Variants in GC observed in about 807,000 individuals in gnomAD.
GC encodes GC vitamin D binding protein, also known as vitamin D-binding protein.
A neutral mutation model predicts 56.7 loss-of-function variants in GC; 43 were observed. The observed-to-expected ratio is 0.76, with a 90% CI of 0.59 to 0.98. The LOEUF is 0.98. GC is among the 50% of genes least tolerant of loss of function. The pLI is 0.00. For synonymous variants in GC, 216 were observed against 202.7 expected, an observed-to-expected ratio of 1.07 and a Z score of -0.56; for missense variants, 529 against 545.9, an observed-to-expected ratio of 0.97 and a Z score of 0.31.
At chr4:71,761,184 G>A (rs541906311) in intron 6 of GC, among the ~76,000 whole-genome samples, 14 of 152,304 alleles carry the variant, frequency 9.2e-5, no homozygotes, top group Middle Eastern at 3.4e-3. Context: ...TAAGGTCCAG[G>A]CTAAGGTGGT....
chr4:71,786,950 G>A (rs1478045543), upstream of GC, among the ~76,000 whole-genome samples: 5 of 151,782 alleles, frequency 3.3e-5, no homozygotes, highest in Admixed American at 1.3e-4. Context: ...TTAGTGGATC[G>A]AAGTAATATC....
intron 10 of GC, among the ~76,000 whole-genome samples, chr4:71,753,757 T>C (rs1018548477): frequency 6.6e-6 from 1 of 152,364 alleles, no homozygotes; most frequent in South Asian, 2.1e-4. Flanking sequence ...TGGTGATAGC[T>C]GACAGTATGC....
At chr4:71,744,414 G>T (rs1205052215) in intron 12 of GC, among the ~76,000 whole-genome samples, 2 of 138,154 alleles carry the variant, frequency 1.4e-5, no homozygotes, top group Admixed American at 1.6e-4. Context: ...AGCCGAGATC[G>T]CGCCACTGCA....
intron 12 of GC, among the ~76,000 whole-genome samples, chr4:71,744,714 A>C (rs1185808556): frequency 6.6e-6 from 1 of 152,150 alleles, no homozygotes; most frequent in Non-Finnish European, 1.5e-5. Context: ...CTCTTAATTA[A>C]AGCTTAAGAA....
chr4:71,786,722 C>A (rs1742848179), upstream of GC, among the ~76,000 whole-genome samples: 2 of 151,766 alleles, frequency 1.3e-5, no homozygotes, highest in South Asian at 4.1e-4. Flanking sequence ...TTTCAGTAAA[C>A]CTTAGTTACT....
intron 3 of GC, among the ~76,000 whole-genome samples, chr4:71,766,458 A>G (rs936529324): frequency 6.6e-6 from 1 of 152,168 alleles, no homozygotes; most frequent in African/African-American, 2.4e-5. Flanking sequence ...GAAAAATTTC[A>G]TATTTGAAAT....
chr4:71,769,383 T>C lies in GC; in HGVS notation c.76A>G (p.Asn26Asp), dbSNP rs1477260931. The C allele has an allele frequency of 6.2e-7, 1 of 1,612,742 alleles. No homozygotes were observed. The highest frequency in any genetic ancestry group is 2.2e-5 in the East Asian group (1 of 44,862). Residue 26 changes from asparagine (N) to aspartate (D), a missense_variant, in exon 2 of 13, where the codon AAT becomes GAT. Physicochemically the swap from Asn to Asp is conservative, Grantham distance 23 (BLOSUM62 1). Transcript: ENST00000273951. ...ALERGRDYEK[N>D]KVCKEFSHLG... ...TGGGAGAATTCCTTGCAGACTTTAT[T>C]CTTTTCATAATCCCGGCCTAGGAGG... is the stretch of plus-strand genomic sequence containing the variant.
chr4:71,805,027 A>G (rs1047630772), upstream of GC, among the ~76,000 whole-genome samples: 3 of 152,088 alleles, frequency 2.0e-5, no homozygotes, highest in East Asian at 1.9e-4. Context: ...CATAATGTTA[A>G]AGATGTTACT....
At chr4:71,769,088 T>A (rs1359886879) in intron 2 of GC, among the ~76,000 whole-genome samples, 1 of 152,192 alleles carries the variant, frequency 6.6e-6, no homozygotes, top group African/African-American at 2.4e-5. Context: ...TTACGTATTA[T>A]CTTTGAACTC....
chr4:71,765,097 A>G (rs981940400), intron 4 of GC, among the ~76,000 whole-genome samples: 2 of 152,226 alleles, frequency 1.3e-5, no homozygotes, highest in South Asian at 2.1e-4. Flanking sequence ...TGCTTCTATC[A>G]TATGACATAC....
chr4:71,783,857 C>T (rs1742762683), intron 1 of GC, 104 bp downstream of exon 1: 2 of 773,490 alleles, frequency 2.6e-6, no homozygotes, highest in Non-Finnish European at 3.9e-6. Flanking sequence ...CCAACATATT[C>T]ACCAGTTCTT....
chr4:71,745,223 CAGAT>C (rs1329097220), intron 12 of GC, among the ~76,000 whole-genome samples: 1 of 152,148 alleles, frequency 6.6e-6, no homozygotes, highest in African/African-American at 2.4e-5. Flanking sequence ...AATTCACAGA[CAGAT>C]AGTTAGAGTG....
chr4:71,789,534 G>T (rs1742921988), intron 1 of GC, among the ~76,000 whole-genome samples: 1 of 151,980 alleles, frequency 6.6e-6, no homozygotes, highest in East Asian at 1.9e-4. Context: ...AATATTAGAT[G>T]ATCTAATAGA....
upstream of GC, chr4:71,804,167 C>A (rs1743310639): frequency 6.9e-6 from 4 of 575,852 alleles, no homozygotes; most frequent in Admixed American, 1.2e-4. Context: ...TAGTCAGACA[C>A]AGGTATGCAG....
At chr4:71,786,461 G>T (rs111921045), upstream of GC, among the ~76,000 whole-genome samples, 26 of 151,860 alleles carry the variant, frequency 1.7e-4, 2 homozygotes, top group African/African-American at 6.3e-4. Flanking sequence ...ATAGCAACTA[G>T]AAATGTATCA....
chr4:71,768,657 G>C (rs1258731300), intron 2 of GC, among the ~76,000 whole-genome samples: 2 of 152,054 alleles, frequency 1.3e-5, no homozygotes, highest in African/African-American at 2.4e-5. Flanking sequence ...GTAGAGACAG[G>C]GTTTCACCAT....
chr4:71,791,893 C>A (rs916588586), intron 1 of GC, among the ~76,000 whole-genome samples: 1 of 152,100 alleles, frequency 6.6e-6, no homozygotes, highest in African/African-American at 2.4e-5. Context: ...TCAATTCCCA[C>A]CTATGAATGA....
chr4:71,802,619 A>G (rs973558985), intron 1 of GC, among the ~76,000 whole-genome samples: 1 of 152,246 alleles, frequency 6.6e-6, no homozygotes, highest in African/African-American at 2.4e-5. Flanking sequence ...AAAGTCATTA[A>G]GTTGAACCAC....
chr4:71,747,373 A>C (rs1319114547), intron 11 of GC, among the ~76,000 whole-genome samples: 2 of 152,164 alleles, frequency 1.3e-5, no homozygotes, highest in Non-Finnish European at 2.9e-5. Context: ...ATGAAGAACA[A>C]GGAAAAAACT....
Sources: allele counts gnomAD v4.1 joint callset (sites outside exome capture counted in the v4.1 genomes callset), GRCh38; gene constraint gnomAD v4.1.1; transcripts MANE v1.5; gene names NCBI Gene and HGNC (gene_info 2026-07-23, HGNC 2026-07-21).